The following CR2 variants were observed in gnomAD, a reference collection of about 807,000 sequenced individuals.
The protein encoded by CR2 is complement C3d receptor 2, also known as complement receptor type 2.
Under a neutral mutation model 123.0 loss-of-function variants are expected in CR2, and 96 were observed. The ratio of observed to expected loss-of-function variants is 0.78; its 90% CI spans 0.66 to 0.93. The LOEUF is 0.93. Ranked by LOEUF, CR2 falls within the 40% of genes least tolerant of loss-of-function variation. The pLI is 0.00. For synonymous variants in CR2, 484 were observed against 469.5 expected (o/e 1.03, Z -0.40); for missense variants, 1,258 against 1,361.0 (o/e 0.92, Z 1.19).
chr1:207,454,765 C>T lies in CR2; in HGVS notation c.58+289C>T, dbSNP rs1657789025. ...CGTGCGGGTGCTCGCGGTCTCCTGC[C>T]GGGCTCCCCGCCCCCAGGATTCTGC... On this transcript the variant is annotated intron_variant, in intron 1 of 19. Transcript: ENST00000367057. The surrounding 1 kb of genome is among the most constrained non-coding windows in gnomAD (Gnocchi z 4.3). 1 of 354,812 alleles carries T rather than the reference C, an allele frequency of 2.8e-6. No individual in the cohort carries two copies. The highest frequency in any genetic ancestry group is 5.1e-6 in the Non-Finnish European group (1 of 195,500). 22.0% of individuals were successfully genotyped at this position (354,812 alleles called of 1,614,324 possible).
chr1:207,461,054 G>A (rs1657952039), intron 1 of CR2, among the ~76,000 whole-genome samples: 1 of 152,044 alleles, frequency 6.6e-6, no homozygotes, highest in African/African-American at 2.4e-5. Context: ...GGGAAAGTTT[G>A]TATTTAAAGA....
chr1:207,474,114 A>T, intron 12 of CR2, 127 bp from the exon 13 acceptor site: 1 of 934,278 alleles, frequency 1.1e-6, no homozygotes. Flanking sequence ...AGTAAAAAAA[A>T]GTAGTTTTTT....
chr1:207,470,881 A>T lies in CR2; in HGVS notation c.1367A>T (p.Glu456Val). Residue 456 changes from glutamate to valine, a missense_variant, in exon 7 of 20, where the codon GAG (glutamate) becomes GTG (valine). Coordinates refer to ENST00000367057, the MANE Select transcript of CR2 (RefSeq NM_001006658.3). ...GAAGAATCCATACAGTGTACCTCTG[A>T]GGGGGTGTGGACACCCCCTGTACCC... is the stretch of plus-strand genomic sequence containing the variant. ...VGEESIQCTS[E>V]GVWTPPVPQC... 6.2e-7 allele frequency: 1 copy of T among 1,613,896 alleles called. No homozygotes were observed. Among genetic ancestry groups the T allele is most frequent in the Non-Finnish European group, 8.5e-7 (1 of 1,179,866 alleles).
At chr1:207,460,957 G>A (rs1028049652) in intron 1 of CR2, among the ~76,000 whole-genome samples, 1 of 151,980 alleles carries the variant, frequency 6.6e-6, no homozygotes, top group African/African-American at 2.4e-5. Context: ...AGATAGTTAT[G>A]TAAATTCATT....
Position 207,479,991 on chromosome 1 carries a change from T to C in CR2, c.3126T>C (p.Gly1042=). 1 of 1,613,004 alleles carries C rather than the reference T, an allele frequency of 6.2e-7. No homozygotes were observed. The highest frequency in any genetic ancestry group is 8.5e-7 in the Non-Finnish European group (1 of 1,179,108). ...TTTTTCTTCTAGGTATTGCTGCAGG[T>C]TTGATACTTCTTACCTTCTTGATTG... The part of the protein sequence containing the change: ...LAPVLCGIAA[G]LILLTFLIVI... The change falls in exon 18 of 20, where the codon GGT becomes GGC. Residue 1042 remains glycine (G), a synonymous_variant. Transcript: ENST00000367057.
chr1:207,472,906 A>T lies in CR2; in HGVS notation c.1705A>T (p.Ile569Phe), dbSNP rs1232019865. The change falls in exon 10 of 20, where the codon ATT (isoleucine) becomes TTT (phenylalanine). Residue 569 changes from isoleucine (I) to phenylalanine (F), a missense_variant. Physicochemically the swap from Ile to Phe is conservative, Grantham distance 21. Transcript: ENST00000367057. Reference protein sequence around the residue: ...GPERGVEFSLIGESTIRCTSN... With the variant: ...GPERGVEFSLFGESTIRCTSN... ...AGAAAGAGGAGTGGAATTCAGCCTC[A>T]TTGGAGAGAGCACCATCCGTTGTAC... The T allele has an allele frequency of 6.2e-7, 1 of 1,614,090 alleles. No homozygotes were observed. Among genetic ancestry groups the T allele is most frequent in the Non-Finnish European group, 8.5e-7 (1 of 1,179,984 alleles).
rs1658215114 is a variant in CR2 at position 207,469,888 on chromosome 1, C to T, written c.1011C>T (p.Gly337=). The T allele has an allele frequency of 6.2e-7, 1 of 1,613,840 alleles. No homozygotes were observed. The highest frequency in any genetic ancestry group is 1.7e-5 in the Admixed American group (1 of 59,950). Residue 337 remains glycine (G), a synonymous_variant, in exon 6 of 20, where the codon GGC becomes GGT. Coordinates refer to ENST00000367057, the MANE Select transcript of CR2 (RefSeq NM_001006658.3). Reference sequence around the variant, plus strand: ...GTCAGAAGACTGGGACCTGGAGTGGCCCTGCCCCACGCTGTGAACTTTCTA... The same window carrying T: ...GTCAGAAGACTGGGACCTGGAGTGGTCCTGCCCCACGCTGTGAACTTTCTA... ...VDSQKTGTWS[G]PAPRCELSTS...
At position 207,454,353 on chromosome 1, in the gene CR2, C is replaced by G; in HGVS notation, c.-66C>G. The G allele has an allele frequency of 7.1e-7, 1 of 1,405,578 alleles. No individual in the cohort carries two copies. The highest frequency in any genetic ancestry group is 9.8e-7 in the Non-Finnish European group (1 of 1,025,588). The allele number at this position is 1,405,578 out of a possible 1,614,324, so 87.1% of individuals were successfully genotyped here. ...AGCTGCTTGCTGCTCCAGCCTTGCC[C>G]TCCCAGAGCTGCCGGACGCTCGCGG... On this transcript the variant is annotated 5_prime_UTR_variant, in exon 1 of 20. Coordinates refer to ENST00000367057, the MANE Select transcript of CR2 (RefSeq NM_001006658.3). The surrounding 1 kb of genome is among the most constrained non-coding windows in gnomAD (Gnocchi z 4.3).
chr1:207,469,666 C>G, intron 5 of CR2, 29 bp from the exon 6 acceptor site: 1 of 1,605,954 alleles, frequency 6.2e-7, no homozygotes. Flanking sequence ...CACCTATGAT[C>G]TTGTCATTTC....
intron 1 of CR2, among the ~76,000 whole-genome samples, chr1:207,463,571 T>C (rs570239336): frequency 1.3e-5 from 2 of 152,334 alleles, no homozygotes; most frequent in East Asian, 3.9e-4. Context: ...TATTCTCTGC[T>C]ATTCTTTCAG....
chr1:207,454,457 C>G lies in CR2; in HGVS notation c.39C>G (p.Leu13=). 1 of 1,579,654 alleles carries G rather than the reference C, an allele frequency of 6.3e-7. No individual in the cohort carries two copies. The highest frequency in any genetic ancestry group is 8.6e-7 in the Non-Finnish European group (1 of 1,168,916). ...AAGLLGVFLA[L]VAPGVLGISC... is the part of the protein sequence containing the mutation. ...GCCTGCTCGGGGTTTTCTTGGCTCT[C>G]GTCGCACCGGGGGTCCTCGGTGAGC... Residue 13 remains leucine (L), a synonymous_variant, in exon 1 of 20, where the codon CTC becomes CTG. Coordinates refer to ENST00000367057, the MANE Select transcript of CR2 (RefSeq NM_001006658.3). This position sits in a 1 kb window ranked among gnomAD's most constrained non-coding sequence, Gnocchi z 4.3.
At chr1:207,482,404 T>A (rs1049036636) in intron 18 of CR2, among the ~76,000 whole-genome samples, 1 of 152,104 alleles carries the variant, frequency 6.6e-6, no homozygotes, top group Admixed American at 6.6e-5. Flanking sequence ...TGTTGCTCTA[T>A]CTAGTATATA....
chr1:207,473,168 T>C lies in CR2; in HGVS notation c.1967T>C (p.Val656Ala). 6.2e-7 allele frequency: 1 copy of C among 1,613,770 alleles called. No homozygotes were observed. The highest frequency in any genetic ancestry group is 1.3e-5 in the African/African-American group (1 of 74,994). Reference protein sequence around the residue: ...ADNTWDPEIPVCEKGCQSPPG... With the variant: ...ADNTWDPEIPACEKGCQSPPG... ...AACACCTGGGATCCTGAAATACCAG[T>C]TTGTGAAAAAGGTAAAAACCCAATA... Residue 656 changes from valine to alanine, a missense_variant, in exon 10 of 20, where the codon GTT becomes GCT. Physicochemically the swap from Val to Ala is moderately conservative, Grantham distance 64. Transcript: ENST00000367057.
At chr1:207,459,155 G>A (rs546138024) in intron 1 of CR2, among the ~76,000 whole-genome samples, 1 of 152,308 alleles carries the variant, frequency 6.6e-6, no homozygotes, top group Non-Finnish European at 1.5e-5. Flanking sequence ...ATGCCAGTTT[G>A]AGGTTATACA....
intron 18 of CR2, among the ~76,000 whole-genome samples, chr1:207,485,233 T>C (rs940458867): frequency 1.3e-5 from 2 of 152,224 alleles, no homozygotes; most frequent in African/African-American, 2.4e-5. Context: ...AAATACCTAA[T>C]GTAGATGACG....
intron 8 of CR2, 129 bp downstream of exon 8, chr1:207,471,216 G>C: frequency 2.0e-6 from 2 of 986,550 alleles, no homozygotes; most frequent in Non-Finnish European, 3.3e-6. Context: ...GTGCTTGCCT[G>C]TCACATGGTC....
chr1:207,454,824 C>G lies in CR2; in HGVS notation c.58+348C>G, dbSNP rs1171781695. The G allele has an allele frequency of 1.5e-5, 4 of 264,656 alleles. No homozygotes were observed. Among genetic ancestry groups the G allele is most frequent in the Non-Finnish European group, 2.9e-5 (4 of 138,398 alleles). 16.4% of individuals were successfully genotyped at this position (264,656 alleles called of 1,614,324 possible). On this transcript the variant is annotated intron_variant, in intron 1 of 19. Coordinates refer to ENST00000367057, the MANE Select transcript of CR2 (RefSeq NM_001006658.3). This position sits in a 1 kb window ranked among gnomAD's most constrained non-coding sequence, Gnocchi z 4.3. ...ATCGCTCTCTGGCCGGCGGTCAGCGCTACCGCTCGCCACGGGAAACCTACC... is the reference window on the plus strand; with the variant it reads ...ATCGCTCTCTGGCCGGCGGTCAGCGGTACCGCTCGCCACGGGAAACCTACC...
At chr1:207,470,128 G>A in intron 6 of CR2, 26 bp downstream of exon 6, 1 of 1,612,428 alleles carries the variant, frequency 6.2e-7, no homozygotes, top group Non-Finnish European at 8.5e-7. Context: ...CTCAGAAAAG[G>A]TGCTTCTGAT....
chr1:207,471,334 G>T (rs1051949332), intron 8 of CR2, 89 bp from the exon 9 acceptor site: 1 of 1,077,300 alleles, frequency 9.3e-7, no homozygotes, highest in Non-Finnish European at 1.4e-6. Flanking sequence ...TTCTTGGCCT[G>T]AAAGTAGTGA....
Sources: gnomAD v4.1 joint callset for allele counts (sites outside exome capture counted in the v4.1 genomes callset) on GRCh38, gnomAD v4.1.1 for gene constraint, Gnocchi (gnomAD v3.1) non-coding constraint, MANE v1.5 for transcripts, NCBI Gene and HGNC (gene_info 2026-07-23, HGNC 2026-07-21) for gene names.